FGD4: variants seen among roughly 807,000 people sequenced by gnomAD.
FGD4 encodes the protein FYVE, RhoGEF and PH domain-containing protein 4.
Under a neutral mutation model 102.0 loss-of-function variants are expected in FGD4, and 42 were observed. That is an observed-to-expected ratio of 0.41 (90% CI 0.32 to 0.53). The LOEUF is 0.53. Among genes scored for constraint, FGD4 ranks in the 20% least tolerant of loss-of-function variants. The probability of loss-of-function intolerance (pLI) is 0.21; values close to 1 mark genes in which losing one functional copy is unlikely to be tolerated. For missense variants in FGD4, 902 were observed against 1,078.2 expected (o/e 0.84, Z 2.29); for synonymous variants, 380 against 375.7 (o/e 1.01, Z -0.13).
chr12:32,555,429 G>GACGGGTGAA (rs1944014111), intron 1 of FGD4, among the ~76,000 whole-genome samples: 1 of 152,104 alleles, frequency 6.6e-6, no homozygotes, highest in African/African-American at 2.4e-5. Flanking sequence ...TAAATCTGGA[G>GACGGGTGAA]ACGGGTGAGG....
chr12:32,539,429 C>G (rs778309445), intron 1 of FGD4, among the ~76,000 whole-genome samples: 9 of 151,982 alleles, frequency 5.9e-5, no homozygotes, highest in Non-Finnish European at 1.3e-4. Context: ...ATTAGCTGGG[C>G]GTAGTGGCAC....
chr12:32,625,647 T>G lies in FGD4; in HGVS notation c.2047-7T>G. ...CTATTAAAATTGAATCTTTCTTCCC[T>G]TTTTAGACTGCTGAGCTAGGGAAAA... On this transcript the variant is annotated splice_polypyrimidine_tract_variant and splice_region_variant and intron_variant, in intron 13 of 16. Coordinates refer to ENST00000534526, the MANE Select transcript of FGD4 (RefSeq NM_001370298.3). The G allele has an allele frequency of 6.2e-7, 1 of 1,613,520 alleles. No homozygotes were observed. Among genetic ancestry groups the G allele is most frequent in the South Asian group, 1.1e-5 (1 of 91,036 alleles).
Position 32,644,958 on chromosome 12 carries a change from T to C in FGD4, c.*4425T>C, listed in dbSNP as rs1399846166. 6.6e-6 allele frequency: 1 copy of C among 152,040 alleles called. No homozygotes were observed. The highest frequency in any genetic ancestry group is 6.6e-5 in the Admixed American group (1 of 15,266). 9.4% of individuals were successfully genotyped at this position (152,040 alleles called of 1,614,324 possible). On this transcript the variant is annotated 3_prime_UTR_variant, in exon 17 of 17. Coordinates refer to ENST00000534526, the MANE Select transcript of FGD4 (RefSeq NM_001370298.3). ...GGACTGAGCATTTGGCAGAATGCAG[T>C]ATCTTTTCCTGTATTTTGACATGAA... is the stretch of plus-strand genomic sequence containing the variant.
chr12:32,573,742 T>C (rs1193377039), intron 2 of FGD4, among the ~76,000 whole-genome samples: 1 of 152,222 alleles, frequency 6.6e-6, no homozygotes, highest in African/African-American at 2.4e-5. Flanking sequence ...ATTTGATACC[T>C]CCTCTGTGCT....
rs189313747 is a variant in FGD4 at position 32,408,879 on chromosome 12, A to T, written c.166+8920A>T. ...ATTTTCCTACCTCATTGGTTCTTCA[A>T]CTTTCTTCCTCTGGCTTTGCCATTT... On this transcript the variant is annotated intron_variant, in intron 1 of 16. Transcript: ENST00000534526. Among the ~76,000 whole-genome samples the T allele has an allele frequency of 2.1e-3, 326 of 152,142 alleles. 1 individual carries two copies. The highest frequency in any genetic ancestry group is 7.6e-3 in the African/African-American group (316 of 41,502).
chr12:32,439,030 A>C (rs1344361298), intron 1 of FGD4, among the ~76,000 whole-genome samples: 2 of 152,202 alleles, frequency 1.3e-5, no homozygotes, highest in Non-Finnish European at 2.9e-5. Flanking sequence ...ACTAATAATT[A>C]TTATAGATAT....
intron 4 of FGD4, among the ~76,000 whole-genome samples, chr12:32,585,834 C>CAAAAAAA (rs58688697): frequency 2.9e-4 from 20 of 68,814 alleles, no homozygotes; most frequent in African/African-American, 9.7e-4. Flanking sequence ...GACCTTGTCT[C>CAAAAAAA]AAAAAAAAAA....
At chr12:32,558,654 C>G (rs192073727) in intron 1 of FGD4, among the ~76,000 whole-genome samples, 2 of 152,314 alleles carry the variant, frequency 1.3e-5, no homozygotes, top group Admixed American at 1.3e-4. Context: ...CCTAACCAAT[C>G]GTAGGGCATA....
intron 4 of FGD4, among the ~76,000 whole-genome samples, chr12:32,589,008 C>G (rs957713900): frequency 1.3e-5 from 2 of 152,214 alleles, no homozygotes; most frequent in African/African-American, 2.4e-5. Flanking sequence ...GAATCCCACT[C>G]AGCTACTTAC....
At position 32,643,384 on chromosome 12, in the gene FGD4, T is replaced by C. The variant is rs543862667; in HGVS notation, c.*2851T>C. The C allele has an allele frequency of 6.6e-6, 1 of 152,604 alleles. No individual in the cohort carries two copies. The highest frequency in any genetic ancestry group is 1.9e-4 in the East Asian group (1 of 5,188). The allele number at this position is 152,604 out of a possible 1,614,324, so 9.5% of individuals were successfully genotyped here. On this transcript the variant is annotated 3_prime_UTR_variant, in exon 17 of 17. Transcript: ENST00000534526. The stretch of plus-strand genomic sequence containing the variant: ...TATAGATAATTATTAACTTTCTAGA[T>C]GTGATACGGTAATTCGAATTGCAGA...
At chr12:32,486,047 C>T (rs1028310912) in intron 1 of FGD4, 21 of 1,492,026 alleles carry the variant, frequency 1.4e-5, no homozygotes, top group African/African-American at 1.1e-4. Context: ...ATAGTTTCTA[C>T]CAACAAATTA....
chr12:32,625,847 G>A, intron 14 of FGD4, 68 bp downstream of exon 14: 2 of 1,595,672 alleles, frequency 1.3e-6, no homozygotes, highest in Admixed American at 3.4e-5. Flanking sequence ...CATCAACTAG[G>A]GACACACAAA....
At chr12:32,560,502 T>G (rs1592219803) in intron 1 of FGD4, among the ~76,000 whole-genome samples, 1 of 152,314 alleles carries the variant, frequency 6.6e-6, no homozygotes, top group East Asian at 1.9e-4. Context: ...GTGATCTGCC[T>G]GCCTCAGCCT....
chr12:32,532,822 T>C (rs1565811229), intron 1 of FGD4, among the ~76,000 whole-genome samples: 1 of 152,220 alleles, frequency 6.6e-6, no homozygotes, highest in Non-Finnish European at 1.5e-5. Flanking sequence ...TTCAGGTTTC[T>C]TCTCTTTGAC....
chr12:32,638,707 A>G lies in FGD4; in HGVS notation c.2366A>G (p.Tyr789Cys). Residue 789 changes from tyrosine (Y) to cysteine (C), a missense_variant, in exon 16 of 17, where the codon TAT becomes TGT. Physicochemically the swap from Tyr to Cys is radical, Grantham distance 194. Transcript: ENST00000534526. Reference sequence around the variant, plus strand: ...AGTGTGGTGTGCAGCTTTCTTCAGTATATGGAGAAGTCAAAACCTTGGCAG... The same window carrying G: ...AGTGTGGTGTGCAGCTTTCTTCAGTGTATGGAGAAGTCAAAACCTTGGCAG... Reference protein sequence around the residue: ...GNSVVCSFLQYMEKSKPWQKA... With the variant: ...GNSVVCSFLQCMEKSKPWQKA... 6.2e-7 allele frequency: 1 copy of G among 1,614,184 alleles called. No homozygotes were observed. The highest frequency in any genetic ancestry group is 1.1e-5 in the South Asian group (1 of 91,086).
At chr12:32,440,509 C>T (rs918385515) in intron 1 of FGD4, among the ~76,000 whole-genome samples, 3 of 152,198 alleles carry the variant, frequency 2.0e-5, no homozygotes, top group African/African-American at 7.2e-5. Context: ...CATACAGAGT[C>T]CCTGTCTCTG....
chr12:32,452,331 C>G (rs768708715), intron 1 of FGD4, among the ~76,000 whole-genome samples: 2 of 152,120 alleles, frequency 1.3e-5, no homozygotes, highest in East Asian at 1.9e-4. Context: ...ATCTCTCAAT[C>G]GTAATGAATC....
At chr12:32,565,898 A>G (rs1041402936) in intron 2 of FGD4, among the ~76,000 whole-genome samples, 3 of 152,172 alleles carry the variant, frequency 2.0e-5, no homozygotes, top group Admixed American at 6.5e-5. Flanking sequence ...TTCTTTTTCA[A>G]AATACTTTCA....
At chr12:32,598,833 A>G (rs988879810) in intron 5 of FGD4, among the ~76,000 whole-genome samples, 7 of 152,240 alleles carry the variant, frequency 4.6e-5, no homozygotes, top group Admixed American at 1.3e-4. Context: ...CAAGTGTCCT[A>G]TAAACTTAAA....
Sources: allele counts gnomAD v4.1 joint callset (sites outside exome capture counted in the v4.1 genomes callset), GRCh38; gene constraint gnomAD v4.1.1; transcripts MANE v1.5; gene names NCBI Gene and HGNC (gene_info 2026-07-23, HGNC 2026-07-21).